FYN: variants seen among roughly 807,000 people sequenced by gnomAD.
The protein encoded by FYN is tyrosine-protein kinase Fyn.
In FYN, 10 loss-of-function variants were observed where a neutral mutation model predicts 70.2. The observed-to-expected ratio is 0.14, with a 90% confidence interval of 0.09 to 0.24. FYN has a LOEUF of 0.24. Ranked by LOEUF, FYN falls within the 10% of genes least tolerant of loss-of-function variation. The pLI, the probability that FYN is intolerant of heterozygous loss-of-function variation, is 1.00. For synonymous variants in FYN, 236 were observed against 248.6 expected (o/e 0.95, Z 0.48); for missense variants, 319 against 673.1 (o/e 0.47, Z 5.82).
At chr6:111,785,004 C>A (rs563737687) in intron 2 of FYN, among the ~76,000 whole-genome samples, 3 of 152,348 alleles carry the variant, frequency 2.0e-5, no homozygotes, top group Admixed American at 2.0e-4. Flanking sequence ...TCTAAATGGA[C>A]ATTATCTCTT....
rs773768130 is a variant in FYN at position 111,719,952 on chromosome 6, G to C, written c.100C>G (p.Pro34Ala). The part of the protein sequence containing the change: ...QSSGYRYGTD[P>A]TPQHYPSFGV... ...AAGCTGGGGTAGTGCTGAGGGGTGG[G>C]GTCTGTGCCATAGCGGTACCCAGAG... is the stretch of plus-strand genomic sequence containing the variant. Residue 34 changes from proline to alanine, a missense_variant, in exon 4 of 14, where the codon CCC becomes GCC. Transcript: ENST00000354650. 1 of 1,614,154 alleles carries C rather than the reference G, an allele frequency of 6.2e-7. No homozygotes were observed. The highest frequency in any genetic ancestry group is 8.5e-7 in the Non-Finnish European group (1 of 1,180,028).
intron 12 of FYN, among the ~76,000 whole-genome samples, chr6:111,675,975 C>T (rs1372877404): frequency 1.3e-5 from 2 of 152,080 alleles, no homozygotes; most frequent in African/African-American, 2.4e-5. Context: ...TATGGAAACA[C>T]AGTTACATGC....
intron 12 of FYN, among the ~76,000 whole-genome samples, chr6:111,693,901 T>C (rs545816265): frequency 6.6e-6 from 1 of 152,290 alleles, no homozygotes; most frequent in East Asian, 1.9e-4. Flanking sequence ...CCATTCTGAC[T>C]TCTTGTGCCC....
intron 1 of FYN, among the ~76,000 whole-genome samples, chr6:111,860,090 A>G (rs1375496849): frequency 6.6e-6 from 1 of 152,126 alleles, no homozygotes; most frequent in Non-Finnish European, 1.5e-5. Flanking sequence ...CAGGGACTCC[A>G]TAAGAAATAA....
intron 12 of FYN, among the ~76,000 whole-genome samples, chr6:111,678,985 T>C (rs1413218946): frequency 6.6e-6 from 1 of 152,132 alleles, no homozygotes; most frequent in Non-Finnish European, 1.5e-5. Context: ...CCCCCCTGGG[T>C]TTCTATAGTA....
chr6:111,739,251 A>G (rs559299550), intron 3 of FYN, among the ~76,000 whole-genome samples: 1 of 152,378 alleles, frequency 6.6e-6, no homozygotes, highest in South Asian at 2.1e-4. Context: ...CAATCTGTTT[A>G]AATTGTTCAC....
intron 2 of FYN, among the ~76,000 whole-genome samples, chr6:111,822,900 T>C (rs528597731): frequency 1.3e-5 from 2 of 152,102 alleles, no homozygotes; most frequent in Admixed American, 6.5e-5. Context: ...AAAGGGCTTG[T>C]CACACAAGAG....
At chr6:111,708,359 T>A (rs1462812306) in intron 5 of FYN, 2 of 279,806 alleles carry the variant, frequency 7.1e-6, no homozygotes, top group Non-Finnish European at 1.4e-5. Context: ...TCAGCCTAAT[T>A]AAGCAGAACA....
intron 3 of FYN, among the ~76,000 whole-genome samples, chr6:111,742,794 T>C (rs2128480469): frequency 6.6e-6 from 1 of 152,278 alleles, no homozygotes; most frequent in Middle Eastern, 3.4e-3. Flanking sequence ...CCATTCCCAT[T>C]TACTGAAGAG....
rs1772497782 is a variant in FYN, at chr6:111,816,622, G to GT, written c.-82+29966dup. On this transcript the variant is annotated intron_variant, in intron 2 of 13. Transcript: ENST00000354650. ...AAGAAATATAAGTTAAAATTGCAGA[G>GT]TATCATTTTTCACGTATCAAGTTTG... 2.0e-5 allele frequency among the ~76,000 whole-genome samples: 3 copies of GT among 152,144 alleles called. No homozygotes were observed. In the South Asian group the frequency reaches 6.2e-4, roughly 32 times the overall value.
intron 3 of FYN, among the ~76,000 whole-genome samples, chr6:111,756,428 CTG>C (rs1802739636): frequency 6.6e-6 from 1 of 150,540 alleles, no homozygotes; most frequent in South Asian, 2.1e-4. Context: ...AAAAAAAAAT[CTG>C]TGTTTTAGAT....
intron 1 of FYN, among the ~76,000 whole-genome samples, chr6:111,868,772 A>G (rs1022888993): frequency 6.6e-6 from 1 of 152,220 alleles, no homozygotes; most frequent in African/African-American, 2.4e-5. Flanking sequence ...TAGTTACTTA[A>G]CAAGCTACTA....
At chr6:111,831,002 A>G (rs1338724291) in intron 2 of FYN, among the ~76,000 whole-genome samples, 1 of 152,210 alleles carries the variant, frequency 6.6e-6, no homozygotes, top group Non-Finnish European at 1.5e-5. Flanking sequence ...TAATCCACAC[A>G]TATCTTTGGG....
chr6:111,779,038 A>T (rs1403796196), intron 3 of FYN, among the ~76,000 whole-genome samples: 2 of 151,406 alleles, frequency 1.3e-5, no homozygotes, highest in East Asian at 3.9e-4. Flanking sequence ...TGTCCTTTTA[A>T]TTGAACCAAG....
chr6:111,794,228 G>A (rs915899711), intron 2 of FYN, among the ~76,000 whole-genome samples: 13 of 152,148 alleles, frequency 8.5e-5, no homozygotes, highest in African/African-American at 2.9e-4. Context: ...TAGACTTTTC[G>A]GTGTCAACTC....
At chr6:111,822,748 TGA>T (rs1421995717) in intron 2 of FYN, among the ~76,000 whole-genome samples, 1 of 149,596 alleles carries the variant, frequency 6.7e-6, no homozygotes, top group Non-Finnish European at 1.5e-5. Context: ...CAAAGCAGAC[TGA>T]GAGAGATGAG....
chr6:111,794,151 C>CT (rs899672317), intron 2 of FYN, among the ~76,000 whole-genome samples: 8 of 152,224 alleles, frequency 5.3e-5, no homozygotes, highest in African/African-American at 1.9e-4. Flanking sequence ...TTTGGTCACT[C>CT]TGTTTCCCTG....
At chr6:111,769,391 G>A (rs938166445) in intron 3 of FYN, among the ~76,000 whole-genome samples, 4 of 152,092 alleles carry the variant, frequency 2.6e-5, no homozygotes, top group Admixed American at 6.5e-5. Context: ...GGAGTCTGTC[G>A]CCATTCTTTT....
At chr6:111,810,262 G>C (rs2114299993) in intron 2 of FYN, among the ~76,000 whole-genome samples, 1 of 152,298 alleles carries the variant, frequency 6.6e-6, no homozygotes, top group East Asian at 1.9e-4. Flanking sequence ...TTGGCATCAG[G>C]TCTAACAAGG....
Sources: gnomAD v4.1 joint callset for allele counts (sites outside exome capture counted in the v4.1 genomes callset) on GRCh38, gnomAD v4.1.1 for gene constraint, MANE v1.5 for transcripts, NCBI Gene and HGNC (gene_info 2026-07-23, HGNC 2026-07-21) for gene names.